Variants in PSMD8 observed in about 807,000 individuals in gnomAD.
PSMD8 encodes the protein proteasome 26S subunit, non-ATPase 8.
A neutral mutation model predicts 40.0 loss-of-function variants in PSMD8; 30 were observed. The ratio of observed to expected loss-of-function variants is 0.75; its 90% CI spans 0.56 to 1.02. The LOEUF is 1.02. Ranked by LOEUF, PSMD8 falls within the 50% of genes least tolerant of loss-of-function variation. The pLI is 0.00. For missense variants in PSMD8, 461 were observed against 463.9 expected (o/e 0.99, Z 0.06); for synonymous variants, 208 against 192.5 (o/e 1.08, Z -0.67).
In PSMD8 at chr19:38,380,983, C is replaced by A; in HGVS notation, c.787C>A (p.Leu263Met). Residue 263 changes from leucine to methionine, a missense_variant, in exon 5 of 7, where the codon CTG (leucine) becomes ATG (methionine). Leu to Met is a conservative substitution (Grantham distance 15). This residue lies in a region of PSMD8 where 236 missense variants were observed against 321.2 expected (regional missense o/e 0.73). Transcript: ENST00000215071. ...AESYTFFIDI[L>M]LDTIRDEIAG... The stretch of plus-strand genomic sequence containing the variant: ...GAGCTACACCTTCTTCATTGACATC[C>A]TGCTCGACACTATCAGGTGCGTAGC... 1 of 1,581,456 alleles carries A rather than the reference C, an allele frequency of 6.3e-7. No homozygotes were observed. Among genetic ancestry groups the A allele is most frequent in the Non-Finnish European group, 8.6e-7 (1 of 1,162,584 alleles).
rs1411621510 is a variant in PSMD8 at position 38,379,337 on chromosome 19, T to A, written c.634T>A (p.Leu212Met). The A allele has an allele frequency of 1.2e-6, 2 of 1,613,778 alleles. No homozygotes were observed. Among genetic ancestry groups the A allele is most frequent in the African/African-American group, 2.7e-5 (2 of 74,878 alleles). Residue 212 changes from leucine (L) to methionine (M), a missense_variant, in exon 4 of 7, where the codon TTG becomes ATG. By Grantham distance (15) the Leu-to-Met change is conservative. Transcript: ENST00000215071. ...CCGGGTGGCTGAGTTCCACACGGAG[T>A]TGGAGCGGCTGCCTGCCAAGGACAT... ...QNRVAEFHTE[L>M]ERLPAKDIQT...
chr19:38,376,619 T>TTGGC (rs1489994569), intron 3 of PSMD8, among the ~76,000 whole-genome samples, 165 bp downstream of exon 3: 1 of 152,154 alleles, frequency 6.6e-6, no homozygotes, highest in Non-Finnish European at 1.5e-5. Flanking sequence ...GTCCTGAGAC[T>TTGGC]TGGCTTGACT....
chr19:38,377,105 TC>T (rs1236377752), intron 3 of PSMD8, among the ~76,000 whole-genome samples: 1 of 152,204 alleles, frequency 6.6e-6, no homozygotes, highest in Non-Finnish European at 1.5e-5. Context: ...CTTTGAAACA[TC>T]CAGCCGCTTC....
intron 4 of PSMD8, 47 bp from the exon 5 acceptor site, chr19:38,380,852 C>T: frequency 1.4e-6 from 2 of 1,440,682 alleles, no homozygotes; most frequent in Non-Finnish European, 1.9e-6. Flanking sequence ...GGCCCCTTTG[C>T]AGCCTCCTCT....
At chr19:38,375,059 G>A (rs1970586741) in intron 1 of PSMD8, 98 bp downstream of exon 1, 3 of 1,495,654 alleles carry the variant, frequency 2.0e-6, no homozygotes, top group South Asian at 1.3e-5. Flanking sequence ...AAGCCACCTC[G>A]GTGCCAGCGA....
intron 4 of PSMD8, among the ~76,000 whole-genome samples, chr19:38,380,283 A>AAG (rs1246862154): frequency 1.3e-5 from 2 of 152,198 alleles, no homozygotes; most frequent in African/African-American, 4.8e-5. Context: ...CAAAAAAGAA[A>AAG]AGAAAAGGGT....
intron 3 of PSMD8, among the ~76,000 whole-genome samples, chr19:38,377,685 A>G (rs2145126859): frequency 6.6e-6 from 1 of 152,010 alleles, no homozygotes; most frequent in South Asian, 2.1e-4. Context: ...GCTAGAGTGC[A>G]ACGGCTGGAT....
intron 3 of PSMD8, 99 bp from the exon 4 acceptor site, chr19:38,379,141 A>G (rs887222705): frequency 6.4e-6 from 8 of 1,240,526 alleles, no homozygotes; most frequent in African/African-American, 3.0e-5. Flanking sequence ...CTCTTCAGGA[A>G]GATGCATGGG....
At chr19:38,375,045 G>T (rs1489524911) in intron 1 of PSMD8, 84 bp downstream of exon 1, 21 of 1,507,340 alleles carry the variant, frequency 1.4e-5, no homozygotes, top group Non-Finnish European at 1.7e-5. Context: ...GTCCCGGGCC[G>T]CGGAAGCCAC....
intron 6 of PSMD8, 142 bp from the exon 7 acceptor site, chr19:38,383,111 A>C: frequency 9.7e-7 from 1 of 1,028,448 alleles, no homozygotes; most frequent in Non-Finnish European, 1.4e-6. Flanking sequence ...AGAGAGGTGA[A>C]GTTACTTGTC....
Position 38,374,834 on chromosome 19 carries a change from C to T in PSMD8, c.233C>T (p.Ser78Phe), listed in dbSNP as rs777402773. 7 of 1,576,220 alleles carry T rather than the reference C, an allele frequency of 4.4e-6. No homozygotes were observed. Among genetic ancestry groups the T allele is most frequent in the Admixed American group, 3.5e-5 (2 of 56,420 alleles). The stretch of plus-strand genomic sequence containing the variant: ...AACGGGGCGGCAGGCTTCTCGAGCT[C>T]CGGGCCCGCGGCAACCTCGGGCGCT... ...AVNGAAGFSS[S>F]GPAATSGAVL... Residue 78 changes from serine to phenylalanine, a missense_variant, in exon 1 of 7, where the codon TCC becomes TTC. This residue lies in a region of PSMD8 where 225 missense variants were observed against 142.7 expected (regional missense o/e 1.58). Coordinates refer to ENST00000215071, the MANE Select transcript of PSMD8 (RefSeq NM_002812.5).
In PSMD8 at chr19:38,374,675, A is replaced by C; in HGVS notation, c.74A>C (p.Gln25Pro). Residue 25 changes from glutamine to proline, a missense_variant, in exon 1 of 7, where the codon CAG becomes CCG. Gln to Pro is a moderately conservative substitution (Grantham distance 76, BLOSUM62 -1). Transcript: ENST00000215071. ...RRRATRGGLR[Q>P]VVAPPRALGS... ...CGGGCTACCCGGGGCGGGCTGAGGC[A>C]GGTTGTAGCCCCGCCCCGGGCCTTG... 1 of 1,537,364 alleles carries C rather than the reference A, an allele frequency of 6.5e-7. No individual in the cohort carries two copies. The highest frequency in any genetic ancestry group is 8.7e-7 in the Non-Finnish European group (1 of 1,145,162).
rs1970663607 is a variant in PSMD8 at position 38,383,735 on chromosome 19, C to T, written c.*345C>T. On this transcript the variant is annotated 3_prime_UTR_variant, in exon 7 of 7. Coordinates refer to ENST00000215071, the MANE Select transcript of PSMD8 (RefSeq NM_002812.5). ...GCTGTGGACACATAGGAATGCTGGA[C>T]CAGGGTACCAGATTTTTTCAACAAA... 1 of 269,282 alleles carries T rather than the reference C, an allele frequency of 3.7e-6. No individual in the cohort carries two copies. Among genetic ancestry groups the T allele is most frequent in the South Asian group, 8.4e-5 (1 of 11,970 alleles). The allele number at this position is 269,282 out of a possible 1,614,324, so 16.7% of individuals were successfully genotyped here. A position where few individuals can be genotyped will look rare whatever the true frequency, so the allele number is the denominator to read the frequency against.
chr19:38,380,588 C>CT (rs1970631082), intron 4 of PSMD8, among the ~76,000 whole-genome samples: 1 of 149,900 alleles, frequency 6.7e-6, no homozygotes, highest in Non-Finnish European at 1.5e-5. Context: ...CCAGCGCTGT[C>CT]TCCCTCCTGG....
intron 4 of PSMD8, among the ~76,000 whole-genome samples, chr19:38,380,116 C>T (rs1221886323): frequency 2.0e-5 from 3 of 152,034 alleles, no homozygotes; most frequent in African/African-American, 7.2e-5. Context: ...GGTGAAACCC[C>T]GTCTCTATAA....
rs1228549387 is a variant in PSMD8 at position 38,383,256 on chromosome 19, G to C, written c.919G>C (p.Gly307Arg). The part of the protein sequence containing the change: ...KKMTDYAKKR[G>R]WVLGPNNYYS... ...TCTAATCCCTCCTTTCCTGCAGCGA[G>C]GGTGGGTCCTGGGCCCCAACAACTA... Residue 307 changes from glycine (G) to arginine (R), a missense_variant, in exon 7 of 7, where the codon GGG (glycine) becomes CGG (arginine). This residue lies in a region of PSMD8 where 236 missense variants were observed against 321.2 expected (regional missense o/e 0.73). Transcript: ENST00000215071. The C allele has an allele frequency of 6.2e-7, 1 of 1,612,686 alleles. No homozygotes were observed. The highest frequency in any genetic ancestry group is 1.1e-5 in the South Asian group (1 of 91,022).
chr19:38,379,507 T>A, intron 4 of PSMD8, 102 bp downstream of exon 4: 1 of 1,288,512 alleles, frequency 7.8e-7, no homozygotes. Flanking sequence ...CACCCATCTT[T>A]CCACCCACGG....
rs777632680 is a variant in PSMD8, at chr19:38,380,705, A to AGTGT, written c.703-193_703-192insTGTG. On this transcript the variant is annotated intron_variant, in intron 4 of 6. Transcript: ENST00000215071. Reference sequence around the variant, plus strand: ...AAGAGGGGGTGAGAGAGAGAGAGAGAGAGTGTGTGTGTGTGTGTGTGTGTG... The same window carrying AGTGT: ...AAGAGGGGGTGAGAGAGAGAGAGAGAGTGTGAGTGTGTGTGTGTGTGTGTGTGTG... 2.8e-4 allele frequency among the ~76,000 whole-genome samples: 32 copies of AGTGT among 112,574 alleles called. No homozygotes were observed. The East Asian group carries it at 7.2e-3, about 25-fold the overall frequency. 73.9% of individuals were successfully genotyped at this position (112,574 alleles called of 152,430 possible).
At chr19:38,382,963 A>G (rs1204095404) in intron 6 of PSMD8, 1 of 367,834 alleles carries the variant, frequency 2.7e-6, no homozygotes, top group African/African-American at 2.0e-5. Context: ...AGTGATGGTG[A>G]CAGCTGGTAA....
Sources: gnomAD v4.1 joint callset for allele counts (sites outside exome capture counted in the v4.1 genomes callset) on GRCh38, gnomAD v4.1.1 for gene constraint, gnomAD v4.1.1 regional missense constraint, MANE v1.5 for transcripts, NCBI Gene and HGNC (gene_info 2026-07-23, HGNC 2026-07-21) for gene names.